KHDRBS3: variants seen among roughly 807,000 people sequenced by gnomAD.
KHDRBS3 encodes KH domain-containing, RNA-binding, signal transduction-associated protein 3.
A neutral mutation model predicts 45.6 loss-of-function variants in KHDRBS3; 23 were observed. The ratio of observed to expected loss-of-function variants is 0.50; its 90% CI spans 0.36 to 0.72. The LOEUF (loss-of-function observed/expected upper bound fraction) is 0.72. Ranked by LOEUF, KHDRBS3 falls within the 30% of genes least tolerant of loss-of-function variation. The pLI is 0.00. For missense variants in KHDRBS3, 352 were observed against 424.8 expected, an observed-to-expected ratio of 0.83 and a Z score of 1.51; for synonymous variants, 162 against 156.5, an observed-to-expected ratio of 1.04 and a Z score of -0.26.
At chr8:135,619,887 A>G (rs541148622) in intron 7 of KHDRBS3, among the ~76,000 whole-genome samples, 30 of 152,330 alleles carry the variant, frequency 2.0e-4, no homozygotes, top group Middle Eastern at 3.4e-3. Context: ...TGTAAAGCAT[A>G]TGTGGCAATT....
At chr8:135,568,527 G>A (rs534374761) in intron 5 of KHDRBS3, among the ~76,000 whole-genome samples, 1 of 152,204 alleles carries the variant, frequency 6.6e-6, no homozygotes, top group Admixed American at 6.5e-5. Flanking sequence ...AAGAAACATC[G>A]AGAATAATGC....
At chr8:135,628,225 G>A (rs1037338177) in intron 7 of KHDRBS3, among the ~76,000 whole-genome samples, 6 of 151,974 alleles carry the variant, frequency 3.9e-5, no homozygotes, top group South Asian at 2.1e-4. Context: ...TCCATTCCCC[G>A]GTTGACACTT....
chr8:135,533,612 A>G (rs1825589021), intron 2 of KHDRBS3, among the ~76,000 whole-genome samples: 1 of 152,164 alleles, frequency 6.6e-6, no homozygotes, highest in Non-Finnish European at 1.5e-5. Flanking sequence ...GGTAGTATTT[A>G]CATTTGCTGT....
chr8:135,511,169 G>A (rs1824264459), intron 1 of KHDRBS3, among the ~76,000 whole-genome samples: 1 of 152,178 alleles, frequency 6.6e-6, no homozygotes, highest in African/African-American at 2.4e-5. Flanking sequence ...CTTGGGGCTG[G>A]AATCCTGAAT....
chr8:135,573,798 G>A (rs891433121), intron 5 of KHDRBS3, among the ~76,000 whole-genome samples: 1 of 151,890 alleles, frequency 6.6e-6, no homozygotes, highest in Non-Finnish European at 1.5e-5. Flanking sequence ...AAGCCTTCCT[G>A]GATTTTTTTC....
chr8:135,474,690 T>A (rs1464629483), intron 1 of KHDRBS3, among the ~76,000 whole-genome samples: 1 of 152,226 alleles, frequency 6.6e-6, no homozygotes, highest in African/African-American at 2.4e-5. Context: ...GCTTTTTCTT[T>A]TTTCAAGTTT....
At chr8:135,625,608 G>A (rs59439225) in intron 7 of KHDRBS3, 40,277 of 941,754 alleles carry the variant, frequency 0.043, 1,437 homozygotes, top group African/African-American at 0.16. Context: ...GCAGCCACAG[G>A]GTCAGTCTTT....
At chr8:135,489,536 G>T (rs535691378) in intron 1 of KHDRBS3, among the ~76,000 whole-genome samples, 3 of 152,048 alleles carry the variant, frequency 2.0e-5, no homozygotes, top group Admixed American at 1.3e-4. Context: ...AAATTAGCTG[G>T]AAGTGGTGGC....
intron 1 of KHDRBS3, among the ~76,000 whole-genome samples, chr8:135,518,202 T>G (rs1824718844): frequency 6.6e-6 from 1 of 152,096 alleles, no homozygotes; most frequent in South Asian, 2.1e-4. Flanking sequence ...AGACGGGGTC[T>G]TGCTCTGCTG....
chr8:135,468,825 C>T (rs1821831993), intron 1 of KHDRBS3, among the ~76,000 whole-genome samples: 2 of 152,160 alleles, frequency 1.3e-5, no homozygotes, highest in African/African-American at 2.4e-5. Context: ...TCTCATGGCT[C>T]TTTTGGACAT....
intron 5 of KHDRBS3, among the ~76,000 whole-genome samples, chr8:135,570,285 G>A (rs1009149469): frequency 2.6e-5 from 4 of 152,052 alleles, no homozygotes; most frequent in African/African-American, 2.4e-5. Context: ...GTTACATACT[G>A]AATAGAAAAG....
At chr8:135,626,974 T>C (rs1214811401) in intron 7 of KHDRBS3, among the ~76,000 whole-genome samples, 2 of 152,000 alleles carry the variant, frequency 1.3e-5, no homozygotes, top group Admixed American at 6.6e-5. Flanking sequence ...TAGGAAGGAG[T>C]AGCAGGACAT....
intron 3 of KHDRBS3, among the ~76,000 whole-genome samples, chr8:135,548,359 C>G (rs1826412983): frequency 1.3e-5 from 2 of 152,076 alleles, no homozygotes; most frequent in Admixed American, 1.3e-4. Flanking sequence ...ACGCACACAG[C>G]CAGTGTAGAA....
chr8:135,625,418 G>T, intron 7 of KHDRBS3: 1 of 773,172 alleles, frequency 1.3e-6, no homozygotes, highest in Non-Finnish European at 2.3e-6. Flanking sequence ...GCCTCATCGT[G>T]CCCATTGCGC....
chr8:135,628,756 GTA>G (rs1830476769), intron 7 of KHDRBS3, among the ~76,000 whole-genome samples: 1 of 152,146 alleles, frequency 6.6e-6, no homozygotes, highest in Non-Finnish European at 1.5e-5. Flanking sequence ...CTTCCTCTGA[GTA>G]ATCTGTCTTC....
intron 1 of KHDRBS3, among the ~76,000 whole-genome samples, chr8:135,464,322 T>C (rs1023771674): frequency 1.1e-4 from 16 of 152,174 alleles, no homozygotes; most frequent in Non-Finnish European, 2.1e-4. Context: ...CAGTAGGCAT[T>C]CAAAGTAAGG....
At chr8:135,564,521 C>A (rs543418377) in intron 5 of KHDRBS3, among the ~76,000 whole-genome samples, 36 of 152,202 alleles carry the variant, frequency 2.4e-4, no homozygotes, top group Middle Eastern at 3.4e-3. Flanking sequence ...ATTGGTTTGG[C>A]CTGGGGCAAA....
chr8:135,644,946 T>G, intron 7 of KHDRBS3, 113 bp from the exon 8 acceptor site: 1 of 1,098,088 alleles, frequency 9.1e-7, no homozygotes, highest in Middle Eastern at 2.8e-4. Context: ...TTTCTTTGAA[T>G]TTTCAGTCTT....
At chr8:135,597,522 G>A (rs1829024612) in intron 6 of KHDRBS3, among the ~76,000 whole-genome samples, 1 of 151,932 alleles carries the variant, frequency 6.6e-6, no homozygotes, top group South Asian at 2.1e-4. Context: ...TGTCTGTAAG[G>A]ATTTCCCTGG....
Sources: gnomAD v4.1 joint callset for allele counts (sites outside exome capture counted in the v4.1 genomes callset) on GRCh38, gnomAD v4.1.1 for gene constraint, MANE v1.5 for transcripts, NCBI Gene and HGNC (gene_info 2026-07-23, HGNC 2026-07-21) for gene names.